CNTNAP2: variants seen among roughly 807,000 people sequenced by gnomAD.
CNTNAP2 encodes contactin associated protein 2.
Under a neutral mutation model 155.2 loss-of-function variants are expected in CNTNAP2, and 98 were observed. That is an observed-to-expected ratio of 0.63 (90% CI 0.54 to 0.75). The LOEUF (loss-of-function observed/expected upper bound fraction) is 0.75. Ranked by LOEUF, CNTNAP2 falls within the 30% of genes least tolerant of loss-of-function variation. The pLI is 0.00. For synonymous variants in CNTNAP2, 651 were observed against 631.2 expected (o/e 1.03, Z -0.47); for missense variants, 1,727 against 1,688.1 (o/e 1.02, Z -0.40).
intron 10 of CNTNAP2, among the ~76,000 whole-genome samples, chr7:147,427,241 T>G (rs867688265): frequency 2.0e-5 from 3 of 152,124 alleles, no homozygotes; most frequent in African/African-American, 7.2e-5. Flanking sequence ...CTGTAATCAC[T>G]TCCCAAAAGT....
At chr7:146,206,407 A>G (rs1009139576) in intron 1 of CNTNAP2, among the ~76,000 whole-genome samples, 2 of 151,924 alleles carry the variant, frequency 1.3e-5, no homozygotes, top group Non-Finnish European at 2.9e-5. Context: ...GTCATAGATA[A>G]TATCAAAGCT....
At chr7:147,733,496 A>C (rs572082971) in intron 13 of CNTNAP2, among the ~76,000 whole-genome samples, 3 of 152,116 alleles carry the variant, frequency 2.0e-5, no homozygotes, top group Non-Finnish European at 2.9e-5. Context: ...TTGACTTGCC[A>C]ATGTGGGCTC....
chr7:146,126,234 A>G (rs565135302), intron 1 of CNTNAP2, among the ~76,000 whole-genome samples: 24 of 152,348 alleles, frequency 1.6e-4, no homozygotes, highest in African/African-American at 5.3e-4. Flanking sequence ...ACATCTAGGC[A>G]ACATTTTAAG....
rs143280651 is a variant in CNTNAP2 at position 148,377,959 on chromosome 7, T to C, written c.3476-5690T>C. On this transcript the variant is annotated intron_variant, in intron 21 of 23. Transcript: ENST00000361727. ...TAGACTAATGTAAGTGTTCTGAGTATGTTTAAGGTAGGCTGGGCTATGCTA... is the reference window on the plus strand; with the variant it reads ...TAGACTAATGTAAGTGTTCTGAGTACGTTTAAGGTAGGCTGGGCTATGCTA... 1.5e-3 allele frequency among the ~76,000 whole-genome samples: 104 copies of C among 68,658 alleles called. 33 individuals carry two copies. The highest frequency in any genetic ancestry group is 3.5e-3 in the African/African-American group (99 of 28,136). The allele number at this position is 68,658 out of a possible 152,430, so 45.0% of individuals were successfully genotyped here.
intron 4 of CNTNAP2, among the ~76,000 whole-genome samples, chr7:147,057,918 A>G (rs1030137785): frequency 3.9e-5 from 6 of 152,174 alleles, no homozygotes; most frequent in Non-Finnish European, 8.8e-5. Context: ...GCCTACATAT[A>G]TAGATCTCCT....
chr7:146,495,071 G>A (rs1347627763), intron 1 of CNTNAP2, among the ~76,000 whole-genome samples: 1 of 152,144 alleles, frequency 6.6e-6, no homozygotes, highest in Non-Finnish European at 1.5e-5. Context: ...GGCGCTTTGG[G>A]CAATGTAGAA....
At chr7:146,578,887 T>A (rs1267023791) in intron 1 of CNTNAP2, among the ~76,000 whole-genome samples, 1 of 152,122 alleles carries the variant, frequency 6.6e-6, no homozygotes, top group African/African-American at 2.4e-5. Context: ...AACTCCCCTT[T>A]CAATTATTTC....
At chr7:148,268,441 C>T (rs1028802954) in intron 21 of CNTNAP2, among the ~76,000 whole-genome samples, 7 of 151,968 alleles carry the variant, frequency 4.6e-5, no homozygotes, top group African/African-American at 1.7e-4. Context: ...ATCACGAGGT[C>T]AGGAGATCAA....
intron 14 of CNTNAP2, among the ~76,000 whole-genome samples, 167 bp downstream of exon 14, chr7:147,903,888 AAAAGCAG>A (rs1463623527): frequency 2.0e-5 from 3 of 152,266 alleles, no homozygotes; most frequent in Non-Finnish European, 4.4e-5. Context: ...TGAAAAATAT[AAAAGCAG>A]AAAGAGGTCA....
intron 13 of CNTNAP2, among the ~76,000 whole-genome samples, chr7:147,836,967 G>T (rs562634649): frequency 6.6e-6 from 1 of 152,220 alleles, no homozygotes; most frequent in Admixed American, 6.5e-5. Flanking sequence ...TTGTCCCAAA[G>T]GCATTTCATA....
chr7:146,454,152 C>T (rs1239499858), intron 1 of CNTNAP2, among the ~76,000 whole-genome samples: 4 of 152,054 alleles, frequency 2.6e-5, no homozygotes, highest in Non-Finnish European at 5.9e-5. Context: ...GAATGTAGTT[C>T]AACATAGTGA....
At chr7:146,803,687 T>C (rs1199387735) in intron 2 of CNTNAP2, among the ~76,000 whole-genome samples, 4 of 152,216 alleles carry the variant, frequency 2.6e-5, no homozygotes, top group Non-Finnish European at 5.9e-5. Flanking sequence ...TTTAAAGATA[T>C]AATCATGAAA....
At position 147,913,643 on chromosome 7, in the gene CNTNAP2, A is replaced by C. The variant is rs181407649; in HGVS notation, c.2255+9922A>C. On this transcript the variant is annotated intron_variant, in intron 14 of 23. Transcript: ENST00000361727. The stretch of plus-strand genomic sequence containing the variant: ...TGGAAAACAGAAACCTTAATACGAG[A>C]CAGAAGGTACTGCACGATGGCAGCT... Among the ~76,000 whole-genome samples the C allele has an allele frequency of 1.9e-3, 293 of 152,320 alleles. 2 individuals carry two copies. The South Asian group carries it at 0.029, about 15-fold the overall frequency.
At chr7:147,151,427 G>T (rs1205059591) in intron 8 of CNTNAP2, among the ~76,000 whole-genome samples, 2 of 152,082 alleles carry the variant, frequency 1.3e-5, no homozygotes, top group East Asian at 3.8e-4. Context: ...CATATATCTA[G>T]CATGCAAACT....
chr7:147,455,331 A>G (rs1022194541), intron 10 of CNTNAP2, among the ~76,000 whole-genome samples: 2 of 152,148 alleles, frequency 1.3e-5, no homozygotes, highest in African/African-American at 4.8e-5. Context: ...ATTACTAAAA[A>G]TATATTTGTT....
chr7:147,494,105 G>A (rs1047040766), intron 11 of CNTNAP2, among the ~76,000 whole-genome samples: 1 of 151,992 alleles, frequency 6.6e-6, no homozygotes, highest in Non-Finnish European at 1.5e-5. Context: ...ATCACTTTTT[G>A]CACAAGGAAA....
At chr7:147,338,863 G>GGAA (rs1795707812) in intron 9 of CNTNAP2, among the ~76,000 whole-genome samples, 1 of 151,696 alleles carries the variant, frequency 6.6e-6, no homozygotes, top group Non-Finnish European at 1.5e-5. Context: ...CAGAAAATGG[G>GGAA]GGTCTTGAAG....
intron 9 of CNTNAP2, among the ~76,000 whole-genome samples, chr7:147,382,620 A>C (rs1796554284): frequency 6.6e-6 from 1 of 152,180 alleles, no homozygotes. Context: ...CAGAGGAGAG[A>C]GCTGAGACAG....
intron 3 of CNTNAP2, among the ~76,000 whole-genome samples, chr7:146,872,220 T>G (rs536196410): frequency 5.0e-4 from 72 of 145,390 alleles, no homozygotes; most frequent in Non-Finnish European, 7.8e-4. Flanking sequence ...AGGTACGTCA[T>G]CCACCTGTAT....
Sources: gnomAD v4.1 joint callset for allele counts (sites outside exome capture counted in the v4.1 genomes callset) on GRCh38, gnomAD v4.1.1 for gene constraint, MANE v1.5 for transcripts, NCBI Gene and HGNC (gene_info 2026-07-23, HGNC 2026-07-21) for gene names.